SEL1L2: variants seen among roughly 807,000 people sequenced by gnomAD.
SEL1L2 encodes the protein SEL1L2 adaptor subunit of SYVN1 ubiquitin ligase, also known as protein sel-1 homolog 2.
SEL1L2 carries 89 observed loss-of-function variants against 98.8 expected under a neutral mutation model. The observed-to-expected ratio is 0.90, with a 90% CI of 0.76 to 1.07. SEL1L2 has a LOEUF of 1.07. SEL1L2 is among the 50% of genes least tolerant of loss of function. The pLI is 0.00. For synonymous variants in SEL1L2, 262 were observed against 278.5 expected (o/e 0.94, Z 0.59); for missense variants, 788 against 812.0 (o/e 0.97, Z 0.36).
At position 13,911,100 on chromosome 20, in the gene SEL1L2, A is replaced by G. The variant is rs190960354; in HGVS notation, c.549+2682T>C. 8.1e-4 allele frequency among the ~76,000 whole-genome samples: 123 copies of G among 152,330 alleles called. 1 individual carries two copies. Among genetic ancestry groups the G allele is most frequent in the African/African-American group, 2.7e-3 (114 of 41,580 alleles). ...GTAAATGTCACTTCTTCCTTGAAAC[A>G]TTCTTTACCTGCCCTAGGCAGAACT... is the stretch of plus-strand genomic sequence containing the variant. On this transcript the variant is annotated intron_variant, in intron 5 of 19. Transcript: ENST00000284951.
chr20:13,931,773 T>C lies in SEL1L2; in HGVS notation c.115-2A>G. On this transcript the variant is annotated splice_acceptor_variant, in intron 2 of 19. Transcript: ENST00000284951. LOFTEE classifies it high-confidence loss of function. ...TTGTTTGATTTCGTTCACTGATACC[T>C]ACAAAGAAAAAGACTGTTGCTCATT... The C allele has an allele frequency of 6.6e-7, 1 of 1,514,130 alleles. No individual in the cohort carries two copies. Among genetic ancestry groups the C allele is most frequent in the Non-Finnish European group, 8.8e-7 (1 of 1,135,230 alleles). 93.8% of individuals were successfully genotyped at this position (1,514,130 alleles called of 1,614,324 possible).
chr20:13,900,933 C>T (rs1046595863), intron 5 of SEL1L2, among the ~76,000 whole-genome samples: 46 of 152,020 alleles, frequency 3.0e-4, no homozygotes, highest in African/African-American at 1.1e-3. Context: ...AGAATCATCT[C>T]GTTTTTATTT....
At chr20:13,881,341 G>C (rs577281338) in intron 10 of SEL1L2, among the ~76,000 whole-genome samples, 20 of 152,276 alleles carry the variant, frequency 1.3e-4, no homozygotes, top group African/African-American at 4.8e-4. Context: ...TTGCTCTGTA[G>C]AACATCCTGA....
intron 1 of SEL1L2, among the ~76,000 whole-genome samples, chr20:13,987,954 C>T (rs767419822): frequency 2.6e-5 from 4 of 152,152 alleles, no homozygotes; most frequent in African/African-American, 4.8e-5. Flanking sequence ...TGAAGATATC[C>T]TCCAAAACAG....
At position 13,870,127 on chromosome 20, in the gene SEL1L2, A is replaced by G. The variant is rs770033587; in HGVS notation, c.1167+14T>C. ...TTGCTACAAATAAAAAGATAATAAA[A>G]TAATTTAACTTACCAGGGGAACTCC... is the stretch of plus-strand genomic sequence containing the variant. On this transcript the variant is annotated intron_variant, in intron 13 of 19. Coordinates refer to ENST00000284951, the MANE Select transcript of SEL1L2 (RefSeq NM_025229.2). The G allele has an allele frequency of 1.2e-5, 18 of 1,559,586 alleles. No homozygotes were observed. The highest frequency in any genetic ancestry group is 1.6e-5 in the Non-Finnish European group (18 of 1,139,812).
At chr20:13,882,983 AT>A (rs796733580) in intron 10 of SEL1L2, among the ~76,000 whole-genome samples, 1 of 151,472 alleles carries the variant, frequency 6.6e-6, no homozygotes, top group Non-Finnish European at 1.5e-5. Context: ...CGCCCGGCTA[AT>A]TTTTTTTGTG....
At chr20:13,957,714 C>CA (rs1167841814) in intron 1 of SEL1L2, among the ~76,000 whole-genome samples, 1 of 151,944 alleles carries the variant, frequency 6.6e-6, no homozygotes, top group East Asian at 1.9e-4. Context: ...CCTGTCTCTA[C>CA]AAAAAATGCA....
chr20:13,975,609 A>T (rs1420425893), intron 1 of SEL1L2, among the ~76,000 whole-genome samples: 2 of 152,246 alleles, frequency 1.3e-5, no homozygotes. Flanking sequence ...GTATTTTACA[A>T]AGTATAGCAT....
At position 13,939,040 on chromosome 20, in the gene SEL1L2, G is replaced by GGTTTTTTTTTTTTTTTTTTTTTTTTTT; in HGVS notation, c.115-7270_115-7269insAAAAAAAAAAAAAAAAAAAAAAAAAAC. 1.9e-3 allele frequency among the ~76,000 whole-genome samples: 221 copies of GGTTTTTTTTTTTTTTTTTTTTTTTTTT among 114,062 alleles called. 55 individuals carry two copies. The highest frequency in any genetic ancestry group is 4.4e-3 in the East Asian group (17 of 3,864). The allele number at this position is 114,062 out of a possible 152,430, so 74.8% of individuals were successfully genotyped here. A position where few individuals can be genotyped will look rare whatever the true frequency, so the allele number is the denominator to read the frequency against. ...TCTTTTTGGTTTGTTTGCTTGTTTT[G>GGTTTTTTTTTTTTTTTTTTTTTTTTTT]TTTTTTTTTTTTTTTTTTTCTGAGA... On this transcript the variant is annotated intron_variant, in intron 2 of 19. Coordinates refer to ENST00000284951, the MANE Select transcript of SEL1L2 (RefSeq NM_025229.2).
rs1269810542 is a variant in SEL1L2, at chr20:13,876,073, T to C, written c.1069A>G (p.Thr357Ala). Residue 357 changes from threonine (T) to alanine (A), a missense_variant, in exon 12 of 20, where the codon ACT (threonine) becomes GCT (alanine). By Grantham distance (58) the Thr-to-Ala change is moderately conservative. Coordinates refer to ENST00000284951, the MANE Select transcript of SEL1L2 (RefSeq NM_025229.2). ...GNAAVPQNNA[T>A]AFKYFSMAAS... ...GCCATGGAAAAGTACTTGAAGGCAG[T>C]AGCGTTATTTTGCGGCACGGCAGCA... 1.2e-6 allele frequency: 2 copies of C among 1,614,086 alleles called. No individual in the cohort carries two copies. The highest frequency in any genetic ancestry group is 1.7e-6 in the Non-Finnish European group (2 of 1,179,902).
chr20:13,961,500 A>G (rs2050769473), intron 1 of SEL1L2, among the ~76,000 whole-genome samples: 1 of 152,190 alleles, frequency 6.6e-6, no homozygotes, highest in Non-Finnish European at 1.5e-5. Flanking sequence ...GGGGAAGCCC[A>G]TCGGATTCAT....
At chr20:13,946,797 G>GTGCC (rs2050032602) in intron 2 of SEL1L2, among the ~76,000 whole-genome samples, 1 of 3,706 alleles carries the variant, frequency 2.7e-4, no homozygotes. Context: ...CCAGCACCTG[G>GTGCC]TACTGTGATT....
chr20:13,995,119 G>A (rs1307624582), upstream of SEL1L2: 3 of 157,984 alleles, frequency 1.9e-5, no homozygotes, highest in Non-Finnish European at 4.1e-5. This position sits in a 1 kb window ranked among gnomAD's most constrained non-coding sequence, Gnocchi z 4.3. Flanking sequence ...CCAAGTCCCT[G>A]AGGCGGCTTT....
intron 5 of SEL1L2, among the ~76,000 whole-genome samples, chr20:13,900,872 A>C (rs1403190518): frequency 6.6e-6 from 1 of 152,144 alleles, no homozygotes; most frequent in Non-Finnish European, 1.5e-5. Flanking sequence ...CTATTATATG[A>C]GTAGCAGCTA....
At chr20:13,916,822 G>C (rs1289840583) in intron 4 of SEL1L2, among the ~76,000 whole-genome samples, 3 of 152,024 alleles carry the variant, frequency 2.0e-5, no homozygotes, top group Non-Finnish European at 4.4e-5. Flanking sequence ...AGGTGGCGGG[G>C]GTGGTCAGGA....
chr20:13,896,130 G>A (rs1048918614), intron 5 of SEL1L2, among the ~76,000 whole-genome samples: 2 of 152,006 alleles, frequency 1.3e-5, no homozygotes, highest in African/African-American at 2.4e-5. Context: ...AGCTGAGATC[G>A]TGCCACGGCA....
chr20:13,973,672 A>G (rs2051389606), intron 1 of SEL1L2, among the ~76,000 whole-genome samples: 1 of 152,152 alleles, frequency 6.6e-6, no homozygotes, highest in African/African-American at 2.4e-5. Flanking sequence ...TTTTGCACTT[A>G]TTTTTGACTA....
chr20:13,992,839 G>A (rs2148599001), upstream of SEL1L2, among the ~76,000 whole-genome samples: 1 of 152,178 alleles, frequency 6.6e-6, no homozygotes, highest in Admixed American at 6.5e-5. Context: ...CAGGGAAAGG[G>A]GGTGGGAGGA....
In SEL1L2 at chr20:13,974,546, C is replaced by T. The variant is rs1427576541; in HGVS notation, c.58+15931G>A. Among the ~76,000 whole-genome samples the T allele has an allele frequency of 4.4e-5, 6 of 136,388 alleles. No homozygotes were observed. The South Asian group carries it at 7.0e-4, about 16-fold the overall frequency. The allele number at this position is 136,388 out of a possible 152,430, so 89.5% of individuals were successfully genotyped here. A position where few individuals can be genotyped will look rare whatever the true frequency, so the allele number is the denominator to read the frequency against. Reference sequence around the variant, plus strand: ...CAGGCTGGAGTGCAGTGGCATGATCCTGGCTTACTGCAACCTCCGCCTCCT... The same window carrying T: ...CAGGCTGGAGTGCAGTGGCATGATCTTGGCTTACTGCAACCTCCGCCTCCT... On this transcript the variant is annotated intron_variant, in intron 1 of 19. Coordinates refer to ENST00000284951, the MANE Select transcript of SEL1L2 (RefSeq NM_025229.2).
Sources: allele counts gnomAD v4.1 joint callset (sites outside exome capture counted in the v4.1 genomes callset), GRCh38; gene constraint gnomAD v4.1.1; non-coding constraint Gnocchi (gnomAD v3.1); transcripts MANE v1.5; gene names NCBI Gene and HGNC (gene_info 2026-07-23, HGNC 2026-07-21).